Variants in VAPB observed in about 807,000 individuals in gnomAD.
The protein encoded by VAPB is VAMP associated protein B and C.
A neutral mutation model predicts 25.6 loss-of-function variants in VAPB; 7 were observed. The observed-to-expected ratio is 0.27, with a 90% CI of 0.16 to 0.51. The LOEUF (loss-of-function observed/expected upper bound fraction) is 0.51. VAPB is among the 20% of genes least tolerant of loss of function. VAPB has a pLI of 0.97. For synonymous variants in VAPB, 112 were observed against 109.2 expected, an observed-to-expected ratio of 1.03 and a Z score of -0.16; for missense variants, 266 against 301.3, an observed-to-expected ratio of 0.88 and a Z score of 0.87.
chr20:58,389,533 C>G lies in VAPB; in HGVS notation c.58+16C>G. 4 of 1,571,070 alleles carry G rather than the reference C, an allele frequency of 2.5e-6. No individual in the cohort carries two copies. Among genetic ancestry groups the G allele is most frequent in the Non-Finnish European group, 3.4e-6 (4 of 1,159,908 alleles). On this transcript the variant is annotated intron_variant, in intron 1 of 5. Coordinates refer to ENST00000475243, the MANE Select transcript of VAPB (RefSeq NM_004738.5). Reference sequence around the variant, plus strand: ...AAATTCCGAGGTAAGCCCCAGAGGCCGCCACCTTCCTGCCCGCGGCCTCCG... The same window carrying G: ...AAATTCCGAGGTAAGCCCCAGAGGCGGCCACCTTCCTGCCCGCGGCCTCCG...
intron 5 of VAPB, among the ~76,000 whole-genome samples, chr20:58,442,518 A>G (rs1013714488): frequency 3.3e-5 from 5 of 152,084 alleles, no homozygotes; most frequent in Non-Finnish European, 7.3e-5. Flanking sequence ...GATACGGGCC[A>G]TGCCCCATGA....
At position 58,441,001 on chromosome 20, in the gene VAPB, C is replaced by A. The variant is rs747617543; in HGVS notation, c.491C>A (p.Thr164Asn). The A allele has an allele frequency of 6.2e-7, 1 of 1,613,960 alleles. No individual in the cohort carries two copies. Among genetic ancestry groups the A allele is most frequent in the Non-Finnish European group, 8.5e-7 (1 of 1,180,016 alleles). ...TCTCTGAGTTCTTCTTTGGATGACA[C>A]CGAAGTTAAGAAGGTTATGGAAGAA... ...SKSLSSSLDD[T>N]EVKKVMEECK... is the part of the protein sequence containing the mutation. The change falls in exon 5 of 6, where the codon ACC becomes AAC. Residue 164 changes from threonine to asparagine, a missense_variant. Coordinates refer to ENST00000475243, the MANE Select transcript of VAPB (RefSeq NM_004738.5).
chr20:58,403,869 G>A (rs1043141964), intron 1 of VAPB, among the ~76,000 whole-genome samples: 5 of 152,136 alleles, frequency 3.3e-5, no homozygotes, highest in African/African-American at 1.2e-4. Flanking sequence ...GTGGCTTCTG[G>A]ATCTTGGGAA....
intron 1 of VAPB, among the ~76,000 whole-genome samples, chr20:58,413,808 C>G (rs1224095822): frequency 5.5e-5 from 8 of 146,286 alleles, no homozygotes; most frequent in African/African-American, 2.0e-4. Flanking sequence ...GACGGGGCAG[C>G]TGGCCGGGCG....
chr20:58,448,534 A>G lies in VAPB; in HGVS notation c.*4299A>G. The G allele has an allele frequency of 2.2e-6, 1 of 454,056 alleles. No individual in the cohort carries two copies. Among genetic ancestry groups the G allele is most frequent in the Non-Finnish European group, 4.4e-6 (1 of 226,784 alleles). The allele number at this position is 454,056 out of a possible 1,614,324, so 28.1% of individuals were successfully genotyped here. A position where few individuals can be genotyped will look rare whatever the true frequency, so the allele number is the denominator to read the frequency against. The stretch of plus-strand genomic sequence containing the variant: ...AAGGCTCCAGGAGGTTAAATCGGGC[A>G]ACTTTTTAGAACTAAATCAGTCTCT... On this transcript the variant is annotated 3_prime_UTR_variant, in exon 6 of 6. Transcript: ENST00000475243.
Position 58,444,074 on chromosome 20 carries a change from T to C in VAPB, c.574-3T>C. On this transcript the variant is annotated splice_polypyrimidine_tract_variant and splice_region_variant and intron_variant, in intron 5 of 5. Coordinates refer to ENST00000475243, the MANE Select transcript of VAPB (RefSeq NM_004738.5). ...TCTTTGAAATGTGCGTTTGCTCCCG[T>C]AGGAAGAAGATGGACTGCGGATGAG... 5 of 1,614,152 alleles carry C rather than the reference T, an allele frequency of 3.1e-6. No individual in the cohort carries two copies. In the South Asian group the frequency reaches 5.5e-5, roughly 18 times the overall value.
chr20:58,395,121 T>C (rs1987917502), intron 1 of VAPB, among the ~76,000 whole-genome samples: 1 of 151,932 alleles, frequency 6.6e-6, no homozygotes. Context: ...GAAACTTGAA[T>C]TTTTACATAA....
intron 2 of VAPB, among the ~76,000 whole-genome samples, chr20:58,423,435 A>AAAAAAAAAAAAAAAG (rs1988715823): frequency 6.7e-6 from 1 of 148,954 alleles, no homozygotes; most frequent in Non-Finnish European, 1.5e-5. Context: ...AAAAAAAAAA[A>AAAAAAAAAAAAAAAG]AAAAAAAAAA....
chr20:58,389,308 C>CCT lies in VAPB; in HGVS notation c.-151_-150insTC. On this transcript the variant is annotated 5_prime_UTR_variant, in exon 1 of 6. Transcript: ENST00000475243. The stretch of plus-strand genomic sequence containing the variant: ...GCCTGCACCGCGTAGACCGACCCCC[C>CCT]CCCAGCGCGCCCACCCGGTAGAGGA... 2.8e-6 allele frequency: 2 copies of CCT among 708,918 alleles called. No individual in the cohort carries two copies. The highest frequency in any genetic ancestry group is 4.8e-6 in the Non-Finnish European group (2 of 414,260). The allele number at this position is 708,918 out of a possible 1,614,324, so 43.9% of individuals were successfully genotyped here. A position where few individuals can be genotyped will look rare whatever the true frequency, so the allele number is the denominator to read the frequency against.
At chr20:58,414,108 C>T (rs544458138) in intron 1 of VAPB, among the ~76,000 whole-genome samples, 2 of 110,856 alleles carry the variant, frequency 1.8e-5, no homozygotes, top group Admixed American at 8.1e-5. Context: ...CCGGACGGGG[C>T]GGCTGGCCGG....
rs377108327 is a variant in VAPB at position 58,406,998 on chromosome 20, G to T, written c.59-11213G>T. ...GATGTTCGTTAGTCAATGGGATAAA[G>T]AATGCATTGAAAAAATTCAGTTTAT... On this transcript the variant is annotated intron_variant, in intron 1 of 5. Coordinates refer to ENST00000475243, the MANE Select transcript of VAPB (RefSeq NM_004738.5). 2.9e-4 allele frequency among the ~76,000 whole-genome samples: 44 copies of T among 152,270 alleles called. No individual in the cohort carries two copies. The South Asian group carries it at 8.7e-3, about 30-fold the overall frequency.
At chr20:58,422,198 C>G (rs1316744455) in intron 2 of VAPB, among the ~76,000 whole-genome samples, 1 of 152,112 alleles carries the variant, frequency 6.6e-6, no homozygotes, top group Non-Finnish European at 1.5e-5. Context: ...ATTGTAGCCC[C>G]TTCTGAGGTT....
chr20:58,410,310 T>C (rs1171197198), intron 1 of VAPB, among the ~76,000 whole-genome samples: 1 of 152,236 alleles, frequency 6.6e-6, no homozygotes, highest in Non-Finnish European at 1.5e-5. Flanking sequence ...TAATGACATG[T>C]ATCCACCATT....
intron 1 of VAPB, among the ~76,000 whole-genome samples, chr20:58,412,445 C>CAT (rs1020330025): frequency 7.2e-5 from 11 of 151,896 alleles, no homozygotes; most frequent in African/African-American, 2.4e-5. Flanking sequence ...CCAGGTGTGG[C>CAT]ATATGCCTGT....
At chr20:58,408,894 C>T in intron 1 of VAPB, among the ~76,000 whole-genome samples, 1 of 130,410 alleles carries the variant, frequency 7.7e-6, no homozygotes, top group East Asian at 2.4e-4. Context: ...ACAGACACCC[C>T]CCCCCCCCAC....
intron 1 of VAPB, among the ~76,000 whole-genome samples, chr20:58,391,760 G>A (rs889693210): frequency 6.6e-6 from 1 of 152,058 alleles, no homozygotes; most frequent in African/African-American, 2.4e-5. Context: ...CTCAAACTCC[G>A]GACCTCAAGT....
At position 58,445,275 on chromosome 20, in the gene VAPB, C is replaced by T. The variant is rs1441448173; in HGVS notation, c.*1040C>T. 1.3e-5 allele frequency: 6 copies of T among 454,220 alleles called. No homozygotes were observed. The highest frequency in any genetic ancestry group is 2.6e-5 in the Non-Finnish European group (6 of 226,790). The allele number at this position is 454,220 out of a possible 1,614,324, so 28.1% of individuals were successfully genotyped here. ...TATACCACCTCTCAACCATTACTCA[C>T]ACTTCCAGCGCCCAGGTCCAAGTCT... On this transcript the variant is annotated 3_prime_UTR_variant, in exon 6 of 6. Coordinates refer to ENST00000475243, the MANE Select transcript of VAPB (RefSeq NM_004738.5).
chr20:58,408,046 G>C (rs1306379066), intron 1 of VAPB, among the ~76,000 whole-genome samples: 1 of 152,150 alleles, frequency 6.6e-6, no homozygotes, highest in African/African-American at 2.4e-5. Context: ...CACCCATGGA[G>C]GTGGTGGCAG....
chr20:58,447,762 G>C lies in VAPB; in HGVS notation c.*3527G>C. On this transcript the variant is annotated 3_prime_UTR_variant, in exon 6 of 6. Transcript: ENST00000475243. ...TTTTTTTGCATACACAAATTTTTGT[G>C]TTTGCAAACTCAGAATCCATGCCAA... 2.2e-6 allele frequency: 1 copy of C among 453,802 alleles called. No homozygotes were observed. Among genetic ancestry groups the C allele is most frequent in the Non-Finnish European group, 4.4e-6 (1 of 226,524 alleles). The allele number at this position is 453,802 out of a possible 1,614,324, so 28.1% of individuals were successfully genotyped here.
Sources: gnomAD v4.1 joint callset for allele counts (sites outside exome capture counted in the v4.1 genomes callset) on GRCh38, gnomAD v4.1.1 for gene constraint, MANE v1.5 for transcripts, NCBI Gene and HGNC (gene_info 2026-07-23, HGNC 2026-07-21) for gene names.